Variants in CDH4 observed in about 807,000 individuals in gnomAD.
CDH4 encodes the protein cadherin-4.
Under a neutral mutation model 86.0 loss-of-function variants are expected in CDH4, and 33 were observed. The ratio of observed to expected loss-of-function variants is 0.38; its 90% confidence interval spans 0.29 to 0.51. The LOEUF is 0.51. Ranked by LOEUF, CDH4 falls within the 20% of genes least tolerant of loss-of-function variation. CDH4 has a pLI of 0.86. For synonymous variants in CDH4, 555 were observed against 549.4 expected (o/e 1.01, Z -0.14); for missense variants, 1,114 against 1,307.4 (o/e 0.85, Z 2.28).
At chr20:61,281,465 G>T (rs1041577234) in intron 2 of CDH4, among the ~76,000 whole-genome samples, 2 of 152,234 alleles carry the variant, frequency 1.3e-5, no homozygotes, top group Non-Finnish European at 2.9e-5. Context: ...CTTGACCTTG[G>T]ACTGCTAGCC....
At chr20:61,317,882 A>C (rs981839937) in intron 2 of CDH4, among the ~76,000 whole-genome samples, 1 of 152,208 alleles carries the variant, frequency 6.6e-6, no homozygotes, top group Non-Finnish European at 1.5e-5. Context: ...AGTGGGGTAA[A>C]AGTAGAGTTA....
rs116274074 is a variant in CDH4 at position 61,257,586 on chromosome 20, T to C, written c.169+2649T>C. On this transcript the variant is annotated intron_variant, in intron 2 of 15. Coordinates refer to ENST00000614565, the MANE Select transcript of CDH4 (RefSeq NM_001794.5). ...TGCAATTGCATATACTCTTATGCTG[T>C]ACTTTTGTTTTTAGGATAATTCACT... Among the ~76,000 whole-genome samples the C allele has an allele frequency of 3.4e-3, 523 of 152,372 alleles. 6 individuals are homozygous for C. The highest frequency in any genetic ancestry group is 0.012 in the African/African-American group (492 of 41,596).
At chr20:61,451,317 C>T (rs550427463) in intron 2 of CDH4, among the ~76,000 whole-genome samples, 1 of 152,254 alleles carries the variant, frequency 6.6e-6, no homozygotes, top group Admixed American at 6.5e-5. Context: ...TGCGTCTCAG[C>T]TGCGTCAGAG....
rs1275621172 is a variant in CDH4, at chr20:61,663,516, G to C, written c.170-80047G>C. ...CAATGCTGGGGATGCCGCCGAGTGGGTCAGAGGGGCCGGAGGAAGGTGAAC... is the reference window on the plus strand; with the variant it reads ...CAATGCTGGGGATGCCGCCGAGTGGCTCAGAGGGGCCGGAGGAAGGTGAAC... On this transcript the variant is annotated intron_variant, in intron 2 of 15. Transcript: ENST00000614565. The surrounding 1 kb of genome is among the most constrained non-coding windows in gnomAD (Gnocchi z 5.0). Among the ~76,000 whole-genome samples the C allele has an allele frequency of 6.6e-6, 1 of 152,144 alleles. No individual in the cohort carries two copies. Among genetic ancestry groups the C allele is most frequent in the Non-Finnish European group, 1.5e-5 (1 of 68,022 alleles).
At position 61,844,712 on chromosome 20, in the gene CDH4, C is replaced by G; in HGVS notation, c.621C>G (p.Ile207Met). 1.2e-6 allele frequency: 2 copies of G among 1,614,030 alleles called. No homozygotes were observed. Among genetic ancestry groups the G allele is most frequent in the Non-Finnish European group, 1.7e-6 (2 of 1,179,924 alleles). The change falls in exon 5 of 16, where the codon ATC (isoleucine) becomes ATG (methionine). Residue 207 changes from isoleucine (I) to methionine (M), a missense_variant. Physicochemically the swap from Ile to Met is conservative, Grantham distance 10 (BLOSUM62 1). Around this residue, in one of 3 missense-constraint regions of CDH4, gnomAD observed 705 missense variants for 914.1 expected, o/e 0.77. Transcript: ENST00000614565. Reference protein sequence around the residue: ...KDNDIPIRYSITGVGADQPPM... With the variant: ...KDNDIPIRYSMTGVGADQPPM... ...ATGACATCCCCATCCGGTACAGCATCACGGGAGTGGGCGCCGACCAGCCCC... is the reference window on the plus strand; with the variant it reads ...ATGACATCCCCATCCGGTACAGCATGACGGGAGTGGGCGCCGACCAGCCCC...
At chr20:61,924,627 C>A (rs2055025087) in intron 11 of CDH4, 151 bp downstream of exon 11, 1 of 806,522 alleles carries the variant, frequency 1.2e-6, no homozygotes, top group East Asian at 2.7e-5. Context: ...TCTGTGCAGA[C>A]ACCGGTGATC....
intron 2 of CDH4, among the ~76,000 whole-genome samples, chr20:61,471,545 TCTA>T (rs1162332694): frequency 1.3e-5 from 2 of 152,012 alleles, no homozygotes; most frequent in South Asian, 2.1e-4. Flanking sequence ...TATTATTTCT[TCTA>T]CTAATTTTTG....
chr20:61,333,753 G>A (rs1344281921), intron 2 of CDH4, among the ~76,000 whole-genome samples: 1 of 152,246 alleles, frequency 6.6e-6, no homozygotes, highest in Admixed American at 6.5e-5. Context: ...GTGGTTTACT[G>A]CCCTTGTATC....
intron 2 of CDH4, among the ~76,000 whole-genome samples, chr20:61,260,361 A>G (rs892838301): frequency 1.3e-5 from 2 of 152,200 alleles, no homozygotes; most frequent in Non-Finnish European, 2.9e-5. Flanking sequence ...TGCCCAGGAG[A>G]TGAAAGAACC....
chr20:61,642,352 C>G (rs2087019870), intron 2 of CDH4, among the ~76,000 whole-genome samples: 1 of 151,916 alleles, frequency 6.6e-6, no homozygotes, highest in African/African-American at 2.4e-5. Flanking sequence ...GAATGGGGAA[C>G]CAGCAGGTGG....
At chr20:61,536,060 A>C (rs1465388931) in intron 2 of CDH4, among the ~76,000 whole-genome samples, 1 of 152,064 alleles carries the variant, frequency 6.6e-6, no homozygotes, top group Non-Finnish European at 1.5e-5. Context: ...CCGGAGCCCC[A>C]CCAGAGCCTG....
At chr20:61,293,637 T>C (rs765074571) in intron 2 of CDH4, among the ~76,000 whole-genome samples, 15 of 152,152 alleles carry the variant, frequency 9.9e-5, no homozygotes, top group Non-Finnish European at 2.2e-4. Context: ...TGGGTGTGAC[T>C]TGTGTTAGAA....
chr20:61,606,271 G>A (rs2086645025), intron 2 of CDH4, among the ~76,000 whole-genome samples: 1 of 152,190 alleles, frequency 6.6e-6, no homozygotes, highest in Non-Finnish European at 1.5e-5. Context: ...CTCTGTGCCG[G>A]GCTCACTTCC....
chr20:61,388,905 G>A (rs534059577), intron 2 of CDH4, among the ~76,000 whole-genome samples: 31 of 152,140 alleles, frequency 2.0e-4, no homozygotes, highest in Non-Finnish European at 4.0e-4. Context: ...ATTCTGTTTC[G>A]ATTTTTTTAC....
intron 9 of CDH4, among the ~76,000 whole-genome samples, chr20:61,913,357 G>A (rs55796028): frequency 0.023 from 3,570 of 152,296 alleles, 129 homozygotes; most frequent in African/African-American, 0.079. Flanking sequence ...GGCCTCAGCC[G>A]TCATGTGCCT....
intron 4 of CDH4, among the ~76,000 whole-genome samples, chr20:61,804,073 G>C (rs930328811): frequency 6.6e-6 from 1 of 152,240 alleles, no homozygotes; most frequent in African/African-American, 2.4e-5. Flanking sequence ...ACACGAGCTT[G>C]TTGTTGGTAA....
At chr20:61,450,217 C>G (rs956338283) in intron 2 of CDH4, among the ~76,000 whole-genome samples, 2 of 152,178 alleles carry the variant, frequency 1.3e-5, no homozygotes, top group Non-Finnish European at 2.9e-5. Flanking sequence ...GACTCACCTT[C>G]CTGGGATAAT....
chr20:61,341,651 T>C (rs2084649844), intron 2 of CDH4, among the ~76,000 whole-genome samples: 1 of 152,130 alleles, frequency 6.6e-6, no homozygotes, highest in African/African-American at 2.4e-5. Flanking sequence ...AGCTCCTTCT[T>C]CTCAGATGAT....
intron 2 of CDH4, among the ~76,000 whole-genome samples, chr20:61,552,374 G>A (rs560123316): frequency 1.6e-4 from 25 of 152,272 alleles, no homozygotes; most frequent in South Asian, 6.2e-4. Flanking sequence ...TCTGTGTAAC[G>A]TCATTAGTAA....
Sources: gnomAD v4.1 joint callset for allele counts (sites outside exome capture counted in the v4.1 genomes callset) on GRCh38, gnomAD v4.1.1 for gene constraint, gnomAD v4.1.1 regional missense constraint, Gnocchi (gnomAD v3.1) non-coding constraint, MANE v1.5 for transcripts, NCBI Gene and HGNC (gene_info 2026-07-23, HGNC 2026-07-21) for gene names.